RSRC1: variants seen among roughly 807,000 people sequenced by gnomAD.
RSRC1 encodes arginine and serine rich coiled-coil 1, also known as serine/Arginine-related protein 53.
In RSRC1, 39 loss-of-function variants were observed where a neutral mutation model predicts 49.1. That is an observed-to-expected ratio of 0.79 (90% CI 0.61 to 1.04). RSRC1 has a LOEUF of 1.04. Among genes scored for constraint, RSRC1 ranks in the 50% least tolerant of loss-of-function variants. RSRC1 has a pLI of 0.00. For missense variants in RSRC1, 388 were observed against 402.4 expected, an observed-to-expected ratio of 0.96 and a Z score of 0.31; for synonymous variants, 143 against 130.8, an observed-to-expected ratio of 1.09 and a Z score of -0.63.
chr3:158,405,671 C>G (rs1213773790), intron 6 of RSRC1, among the ~76,000 whole-genome samples: 1 of 152,134 alleles, frequency 6.6e-6, no homozygotes, highest in Non-Finnish European at 1.5e-5. Flanking sequence ...AATTAGCCAG[C>G]AGGCTAGCCT....
chr3:158,192,485 T>G (rs569970766), intron 3 of RSRC1, among the ~76,000 whole-genome samples: 1 of 152,008 alleles, frequency 6.6e-6, no homozygotes, highest in Non-Finnish European at 1.5e-5. Context: ...TGAGCTTGCT[T>G]AATTAATTGG....
chr3:158,451,269 A>G (rs948240800), intron 6 of RSRC1, among the ~76,000 whole-genome samples: 1 of 152,010 alleles, frequency 6.6e-6, no homozygotes, highest in African/African-American at 2.4e-5. Context: ...AACAAAAAGT[A>G]CTGATGTTTG....
At chr3:158,283,631 T>C (rs568438201) in intron 4 of RSRC1, among the ~76,000 whole-genome samples, 8 of 152,314 alleles carry the variant, frequency 5.3e-5, no homozygotes, top group African/African-American at 1.7e-4. Context: ...TTTGCCATTA[T>C]TGGGCATTTA....
chr3:158,331,166 G>A (rs998314824), intron 5 of RSRC1, among the ~76,000 whole-genome samples: 1 of 152,124 alleles, frequency 6.6e-6, no homozygotes, highest in Non-Finnish European at 1.5e-5. Context: ...TTTGGTGTTG[G>A]GCTCAGAGGG....
chr3:158,263,028 T>C (rs889618431), intron 4 of RSRC1, among the ~76,000 whole-genome samples: 3 of 152,156 alleles, frequency 2.0e-5, no homozygotes, highest in East Asian at 1.9e-4. Flanking sequence ...TTTTGTTTTT[T>C]CCTTGCCTGA....
chr3:158,488,844 G>A (rs1237749143), intron 7 of RSRC1, among the ~76,000 whole-genome samples: 1 of 152,006 alleles, frequency 6.6e-6, no homozygotes, highest in Non-Finnish European at 1.5e-5. Context: ...TAGTCTATTT[G>A]GCTCTAGCAT....
At chr3:158,138,363 T>G (rs1716535425) in intron 3 of RSRC1, among the ~76,000 whole-genome samples, 1 of 152,188 alleles carries the variant, frequency 6.6e-6, no homozygotes, top group South Asian at 2.1e-4. Context: ...CTTTCATATG[T>G]GCTTTTGGTT....
chr3:158,515,184 C>T (rs967963098), intron 7 of RSRC1, among the ~76,000 whole-genome samples: 2 of 151,898 alleles, frequency 1.3e-5, no homozygotes, highest in African/African-American at 4.8e-5. Flanking sequence ...TTATTTTGCT[C>T]GTTAGTTGAT....
intron 6 of RSRC1, among the ~76,000 whole-genome samples, chr3:158,398,070 T>C (rs1468614606): frequency 6.6e-6 from 1 of 151,770 alleles, no homozygotes; most frequent in Admixed American, 6.6e-5. Context: ...TAGACATACA[T>C]TGAGACTTTC....
chr3:158,316,986 C>A (rs1044064628), intron 5 of RSRC1, among the ~76,000 whole-genome samples: 2 of 152,178 alleles, frequency 1.3e-5, no homozygotes, highest in African/African-American at 4.8e-5. Flanking sequence ...TCACTTTCTG[C>A]CAGAATATTG....
chr3:158,467,926 T>C (rs1434491592), intron 7 of RSRC1, among the ~76,000 whole-genome samples: 1 of 152,238 alleles, frequency 6.6e-6, no homozygotes, highest in Non-Finnish European at 1.5e-5. Context: ...TTATTACTAT[T>C]ACCTGTGAGG....
At chr3:158,336,822 G>C (rs1320956428) in intron 5 of RSRC1, 1 of 152,204 alleles carries the variant, frequency 6.6e-6, no homozygotes, top group Non-Finnish European at 1.5e-5. Context: ...CAGCATCTCT[G>C]TGATATTCCT....
intron 5 of RSRC1, among the ~76,000 whole-genome samples, chr3:158,346,591 C>G (rs1308561005): frequency 3.3e-5 from 5 of 152,106 alleles, no homozygotes; most frequent in Non-Finnish European, 7.4e-5. Flanking sequence ...CACCACATAC[C>G]TACTAGAATT....
chr3:158,352,579 A>G (rs1166437759), intron 5 of RSRC1, among the ~76,000 whole-genome samples: 5 of 152,212 alleles, frequency 3.3e-5, no homozygotes, highest in Admixed American at 6.5e-5. Context: ...CACTACTTAC[A>G]AGGATGCTCT....
At chr3:158,215,609 A>T (rs879104880) in intron 4 of RSRC1, among the ~76,000 whole-genome samples, 1 of 151,106 alleles carries the variant, frequency 6.6e-6, no homozygotes. Flanking sequence ...ATTTTTTATT[A>T]CCTCATTTTA....
chr3:158,338,062 G>A (rs1730018751), intron 5 of RSRC1, among the ~76,000 whole-genome samples: 1 of 152,170 alleles, frequency 6.6e-6, no homozygotes, highest in East Asian at 1.9e-4. Flanking sequence ...ATTGGATCAT[G>A]AATATGGGCT....
chr3:158,310,922 A>G (rs1427997026), intron 5 of RSRC1, among the ~76,000 whole-genome samples: 1 of 151,592 alleles, frequency 6.6e-6, no homozygotes, highest in Non-Finnish European at 1.5e-5. Flanking sequence ...TCCTTCATTC[A>G]CTCAATCACC....
At chr3:158,149,609 G>C (rs1446366716) in intron 3 of RSRC1, among the ~76,000 whole-genome samples, 1 of 152,094 alleles carries the variant, frequency 6.6e-6, no homozygotes, top group Non-Finnish European at 1.5e-5. Context: ...GGAGGGAAGA[G>C]GGTAAATTAT....
chr3:158,164,198 A>G (rs890630895), intron 3 of RSRC1, among the ~76,000 whole-genome samples: 6 of 152,142 alleles, frequency 3.9e-5, no homozygotes, highest in African/African-American at 7.2e-5. Context: ...CTTATCTTAC[A>G]TGGAAAAAGA....
Sources: allele counts gnomAD v4.1 joint callset (sites outside exome capture counted in the v4.1 genomes callset), GRCh38; gene constraint gnomAD v4.1.1; transcripts MANE v1.5; gene names NCBI Gene and HGNC (gene_info 2026-07-23, HGNC 2026-07-21).